The following ITSN2 variants were observed in gnomAD, a reference collection of about 807,000 sequenced individuals.
The protein encoded by ITSN2 is intersectin-2.
In ITSN2, 156 loss-of-function variants were observed where a neutral mutation model predicts 243.7. That is an observed-to-expected ratio of 0.64 (90% CI 0.56 to 0.73). ITSN2 has a LOEUF of 0.73. Among genes scored for constraint, ITSN2 ranks in the 30% least tolerant of loss-of-function variants. The pLI is 0.00. For synonymous variants in ITSN2, 703 were observed against 699.9 expected, an observed-to-expected ratio of 1.00 and a Z score of -0.07; for missense variants, 1,801 against 1,996.1, an observed-to-expected ratio of 0.90 and a Z score of 1.86.
intron 1 of ITSN2, among the ~76,000 whole-genome samples, chr2:24,336,864 T>G (rs1686440705): frequency 6.6e-6 from 1 of 152,116 alleles, no homozygotes; most frequent in African/African-American, 2.4e-5. Context: ...CGATAAACAT[T>G]TGCTGAACAA....
chr2:24,214,657 A>C (rs888690220), intron 32 of ITSN2, among the ~76,000 whole-genome samples: 1 of 152,102 alleles, frequency 6.6e-6, no homozygotes, highest in African/African-American at 2.4e-5. Context: ...TCTCTATTAG[A>C]TTCATCAGTT....
At chr2:24,299,380 A>C (rs1195488372) in intron 12 of ITSN2, among the ~76,000 whole-genome samples, 1 of 152,128 alleles carries the variant, frequency 6.6e-6, no homozygotes, top group Non-Finnish European at 1.5e-5. Context: ...ATATTATTTC[A>C]GTGTGCAATA....
chr2:24,359,317 TAAA>T lies in ITSN2; in HGVS notation c.-34+984_-34+986del, dbSNP rs368162571. Among the ~76,000 whole-genome samples, 446 of 152,324 alleles carry T rather than the reference TAAA, an allele frequency of 2.9e-3. 4 individuals carry two copies. The highest frequency in any genetic ancestry group is 0.01 in the African/African-American group (430 of 41,562). On this transcript the variant is annotated intron_variant, in intron 1 of 39. Coordinates refer to ENST00000355123, the MANE Select transcript of ITSN2 (RefSeq NM_006277.3). Reference sequence around the variant, plus strand: ...ACCTAAACTGAGCTCACTAACAACGTAAAATTTCAAGTCACACCTTGCCTATTT... The same window carrying T: ...ACCTAAACTGAGCTCACTAACAACGTATTTCAAGTCACACCTTGCCTATTT...
chr2:24,329,661 A>G (rs1029975781), intron 1 of ITSN2, among the ~76,000 whole-genome samples: 5 of 152,206 alleles, frequency 3.3e-5, no homozygotes, highest in African/African-American at 1.2e-4. Flanking sequence ...GGATCATAAT[A>G]TTGCAGGAAA....
At chr2:24,307,327 A>C (rs1682682001) in intron 8 of ITSN2, among the ~76,000 whole-genome samples, 1 of 152,112 alleles carries the variant, frequency 6.6e-6, no homozygotes, top group Non-Finnish European at 1.5e-5. Context: ...TGTAGCACAC[A>C]TCCTAATTTT....
At position 24,278,589 on chromosome 2, in the gene ITSN2, A is replaced by G. The variant is rs930618021; in HGVS notation, c.1945-2740T>C. ...TTCCAGGAGGTCCTTGCTACACATA[A>G]TAGTTAAGCAAGAAAAAAATAAACC... On this transcript the variant is annotated intron_variant, in intron 17 of 39. Coordinates refer to ENST00000355123, the MANE Select transcript of ITSN2 (RefSeq NM_006277.3). 3.3e-5 allele frequency among the ~76,000 whole-genome samples: 5 copies of G among 151,900 alleles called. No individual in the cohort carries two copies. In the East Asian group the frequency reaches 9.7e-4, roughly 29 times the overall value.
chr2:24,234,908 G>T (rs901836655), intron 29 of ITSN2, among the ~76,000 whole-genome samples: 1 of 152,178 alleles, frequency 6.6e-6, no homozygotes, highest in Non-Finnish European at 1.5e-5. Context: ...ATGCAAAATG[G>T]TACAGCCACT....
rs1330219956 is a variant in ITSN2 at position 24,210,779 on chromosome 2, C to A, written c.4257+1G>T. On this transcript the variant is annotated splice_donor_variant, in intron 34 of 39. Coordinates refer to ENST00000355123, the MANE Select transcript of ITSN2 (RefSeq NM_006277.3). LOFTEE classifies it high-confidence loss of function. ...GCACGGCTTAACCACACAGGCCTGA[C>A]CTCCGCGAGGCCTTCACACTGCACG... The A allele has an allele frequency of 1.9e-6, 3 of 1,613,420 alleles. No homozygotes were observed. Among genetic ancestry groups the A allele is most frequent in the South Asian group, 2.2e-5 (2 of 91,020 alleles).
Position 24,306,714 on chromosome 2 carries a change from C to T in ITSN2, c.793+1903G>A, listed in dbSNP as rs148209776. 9.5e-3 allele frequency among the ~76,000 whole-genome samples: 1,440 copies of T among 152,210 alleles called. 14 individuals carry two copies. Among genetic ancestry groups the T allele is most frequent in the Middle Eastern group, 0.017 (5 of 294 alleles). On this transcript the variant is annotated intron_variant, in intron 8 of 39. Transcript: ENST00000355123. ...GAGAGATGGGGTCTCACTATGTTGCCCAGGCTGGACTCTTGGGCTCAAGCA... is the reference window on the plus strand; with the variant it reads ...GAGAGATGGGGTCTCACTATGTTGCTCAGGCTGGACTCTTGGGCTCAAGCA...
intron 37 of ITSN2, chr2:24,206,235 T>TAAAC (rs960275949): frequency 7.2e-6 from 3 of 413,998 alleles, no homozygotes; most frequent in South Asian, 5.5e-5. Flanking sequence ...AAAGCTGTTT[T>TAAAC]AAACATACCT....
At chr2:24,243,227 T>C (rs1006811794) in intron 29 of ITSN2, among the ~76,000 whole-genome samples, 2 of 152,198 alleles carry the variant, frequency 1.3e-5, no homozygotes, top group Non-Finnish European at 2.9e-5. Context: ...CTGAATGTTG[T>C]TCCCCACTAA....
chr2:24,229,760 G>A (rs561689732), intron 29 of ITSN2, among the ~76,000 whole-genome samples: 13 of 152,224 alleles, frequency 8.5e-5, no homozygotes, highest in South Asian at 4.2e-4. Context: ...AGCCTCCTCC[G>A]TTATTTTACT....
At chr2:24,360,166 C>T (rs1056883131) in intron 1 of ITSN2, 138 bp downstream of exon 1, 3 of 152,202 alleles carry the variant, frequency 2.0e-5, no homozygotes, top group African/African-American at 7.2e-5. Flanking sequence ...TCGGGGGCCG[C>T]CCGTACTCCC....
rs957008282 is a variant in ITSN2 at position 24,264,004 on chromosome 2, C to T, written c.2356-2262G>A. The stretch of plus-strand genomic sequence containing the variant: ...AGATATAATTCACATTCCACATAAT[C>T]CTTCCATTTACAGTACACAATTAAA... On this transcript the variant is annotated intron_variant, in intron 20 of 39. Coordinates refer to ENST00000355123, the MANE Select transcript of ITSN2 (RefSeq NM_006277.3). Among the ~76,000 whole-genome samples, 35 of 152,134 alleles carry T rather than the reference C, an allele frequency of 2.3e-4. 1 individual carries two copies. The highest frequency in any genetic ancestry group is 1.3e-4 in the Admixed American group (2 of 15,264).
In ITSN2 at chr2:24,293,024, C is replaced by T. The variant is rs144426454; in HGVS notation, c.1723+664G>A. On this transcript the variant is annotated intron_variant, in intron 15 of 39. Coordinates refer to ENST00000355123, the MANE Select transcript of ITSN2 (RefSeq NM_006277.3). ...TTGTAACACAACATCTGCAGATTTACTTTTCTTTAAATAAACCTTGTTTCT... is the reference window on the plus strand; with the variant it reads ...TTGTAACACAACATCTGCAGATTTATTTTTCTTTAAATAAACCTTGTTTCT... Among the ~76,000 whole-genome samples, 10 of 152,246 alleles carry T rather than the reference C, an allele frequency of 6.6e-5. No individual in the cohort carries two copies. The East Asian group carries it at 1.9e-3, about 29-fold the overall frequency.
chr2:24,286,545 G>A (rs1373429647), intron 15 of ITSN2, among the ~76,000 whole-genome samples, 194 bp from the exon 16 acceptor site: 2 of 152,182 alleles, frequency 1.3e-5, no homozygotes, highest in African/African-American at 4.8e-5. Context: ...GAGCATCAGA[G>A]GAAATGGTTG....
At chr2:24,358,665 T>G in intron 1 of ITSN2, among the ~76,000 whole-genome samples, 1 of 152,234 alleles carries the variant, frequency 6.6e-6, no homozygotes, top group South Asian at 2.1e-4. Flanking sequence ...TTTTTTAAAA[T>G]AAGAAAGAAA....
intron 36 of ITSN2, 94 bp from the exon 37 acceptor site, chr2:24,208,413 C>A: frequency 1.1e-6 from 1 of 893,398 alleles, no homozygotes; most frequent in Admixed American, 2.1e-5. Flanking sequence ...CAGTCTTTTG[C>A]TAACCTCAAC....
intron 20 of ITSN2, among the ~76,000 whole-genome samples, chr2:24,265,877 TAC>T (rs1223171736): frequency 6.6e-6 from 1 of 152,238 alleles, no homozygotes. Context: ...GAGGAAATAC[TAC>T]AGACTTGAGA....
Sources: allele counts gnomAD v4.1 joint callset (sites outside exome capture counted in the v4.1 genomes callset), GRCh38; gene constraint gnomAD v4.1.1; transcripts MANE v1.5; gene names NCBI Gene and HGNC (gene_info 2026-07-23, HGNC 2026-07-21).